Variants in SEPTIN9 observed in about 807,000 individuals in gnomAD.
SEPTIN9 encodes septin 9.
Under a neutral mutation model 56.6 loss-of-function variants are expected in SEPTIN9, and 13 were observed. The observed-to-expected ratio is 0.23, with a 90% CI of 0.15 to 0.37. SEPTIN9 has a LOEUF of 0.37. SEPTIN9 is among the 10% of genes least tolerant of loss of function. The pLI is 1.00. For missense variants in SEPTIN9, 650 were observed against 823.1 expected (o/e 0.79, Z 2.57); for synonymous variants, 332 against 334.1 (o/e 0.99, Z 0.07).
intron 4 of SEPTIN9, among the ~76,000 whole-genome samples, chr17:77,484,385 G>A (rs2039585903): frequency 6.6e-6 from 1 of 151,424 alleles, no homozygotes. Flanking sequence ...GGATGGTGGT[G>A]GTGGTGATGG....
chr17:77,383,586 C>T (rs556323801), intron 2 of SEPTIN9, among the ~76,000 whole-genome samples: 11 of 152,202 alleles, frequency 7.2e-5, no homozygotes, highest in Admixed American at 1.3e-4. Context: ...TGGGGTCTGA[C>T]GGGGGCTGCC....
intron 2 of SEPTIN9, among the ~76,000 whole-genome samples, chr17:77,343,832 T>C (rs897793600): frequency 2.6e-4 from 39 of 152,114 alleles, no homozygotes; most frequent in African/African-American, 9.2e-4. Flanking sequence ...AAGCACTGAG[T>C]GTTGTGAATG....
rs1272065533 is a variant in SEPTIN9, at chr17:77,317,183, A to G, written c.76+9986A>G. ...CGAGTGGCCACAAGCTGGCTGGGTCACAACAACGCCCAGCCATCCTCTCAC... is the reference window on the plus strand; with the variant it reads ...CGAGTGGCCACAAGCTGGCTGGGTCGCAACAACGCCCAGCCATCCTCTCAC... On this transcript the variant is annotated intron_variant, in intron 2 of 11. Coordinates refer to ENST00000427177, the MANE Select transcript of SEPTIN9 (RefSeq NM_001113491.2). This position sits in a 1 kb window ranked among gnomAD's most constrained non-coding sequence, Gnocchi z 4.2. Among the ~76,000 whole-genome samples, 1 of 152,198 alleles carries G rather than the reference A, an allele frequency of 6.6e-6. No homozygotes were observed. The highest frequency in any genetic ancestry group is 1.9e-4 in the East Asian group (1 of 5,202).
intron 1 of SEPTIN9, among the ~76,000 whole-genome samples, chr17:77,292,238 G>T (rs971899364): frequency 1.3e-5 from 2 of 152,154 alleles, no homozygotes; most frequent in Non-Finnish European, 2.9e-5. Context: ...CCTACCCTCT[G>T]CAGTCCCCGT....
intron 2 of SEPTIN9, among the ~76,000 whole-genome samples, chr17:77,333,172 G>A (rs1339246749): frequency 1.3e-5 from 2 of 152,140 alleles, no homozygotes; most frequent in Admixed American, 6.5e-5. Flanking sequence ...GCGTGTAGTG[G>A]TATCATCTCA....
Position 77,313,679 on chromosome 17 carries a change from A to G in SEPTIN9, c.76+6482A>G, listed in dbSNP as rs9893032. 0.4 allele frequency among the ~76,000 whole-genome samples: 61,495 copies of G among 151,910 alleles called. 13,819 individuals are homozygous for G. Among genetic ancestry groups the G allele is most frequent in the East Asian group, 0.53 (2,725 of 5,138 alleles). The stretch of plus-strand genomic sequence containing the variant: ...CTTCATTTTTAATTCAGGGAAGCAA[A>G]CTTCAGTGGTTGAGTCTGAGGATGA... On this transcript the variant is annotated intron_variant, in intron 2 of 11. Transcript: ENST00000427177. The surrounding 1 kb of genome is among the most constrained non-coding windows in gnomAD (Gnocchi z 4.5).
At chr17:77,338,898 T>C (rs777367245) in intron 2 of SEPTIN9, among the ~76,000 whole-genome samples, 13 of 152,234 alleles carry the variant, frequency 8.5e-5, no homozygotes, top group Non-Finnish European at 1.8e-4. Context: ...ATATTCTAAA[T>C]CTTTTGTTGT....
rs559131821 is a variant in SEPTIN9, at chr17:77,319,975, C to G, written c.76+12778C>G. 4.9e-6 allele frequency: 6 copies of G among 1,218,538 alleles called. No homozygotes were observed. The highest frequency in any genetic ancestry group is 1.5e-5 in the African/African-American group (1 of 65,268). The allele number at this position is 1,218,538 out of a possible 1,614,324, so 75.5% of individuals were successfully genotyped here. A position where few individuals can be genotyped will look rare whatever the true frequency, so the allele number is the denominator to read the frequency against. On this transcript the variant is annotated intron_variant, in intron 2 of 11. Transcript: ENST00000427177. The surrounding 1 kb of genome is among the most constrained non-coding windows in gnomAD (Gnocchi z 5.3). ...ACCGGGCGGCCGGGACTCTGGGACT[C>G]TCGCAGGCAGACCCGGTGGTCTGCC...
At position 77,389,288 on chromosome 17, in the gene SEPTIN9, A is replaced by C. The variant is rs1457567722; in HGVS notation, c.77-12771A>C. Among the ~76,000 whole-genome samples, 2 of 151,698 alleles carry C rather than the reference A, an allele frequency of 1.3e-5. No individual in the cohort carries two copies. Among genetic ancestry groups the C allele is most frequent in the African/African-American group, 4.9e-5 (2 of 41,236 alleles). On this transcript the variant is annotated intron_variant, in intron 2 of 11. Transcript: ENST00000427177. This position sits in a 1 kb window ranked among gnomAD's most constrained non-coding sequence, Gnocchi z 4.3. The stretch of plus-strand genomic sequence containing the variant: ...AGGAGGGGCACGCGGTAGGCTGAGG[A>C]GGTGGCTGGCGACCCTGTGGTGGGG...
intron 2 of SEPTIN9, among the ~76,000 whole-genome samples, chr17:77,365,384 T>G (rs527455691): frequency 6.6e-6 from 1 of 152,260 alleles, no homozygotes; most frequent in East Asian, 1.9e-4. Flanking sequence ...CCTTCCTGTC[T>G]TATTCTTTCC....
At position 77,313,427 on chromosome 17, in the gene SEPTIN9, A is replaced by G. The variant is rs370956150; in HGVS notation, c.76+6230A>G. ...ACCAGTAAACCCTGCAGCGGCCCCA[A>G]GGGCAGAGATAGCTGGATTGTATTT... is the stretch of plus-strand genomic sequence containing the variant. On this transcript the variant is annotated intron_variant, in intron 2 of 11. Coordinates refer to ENST00000427177, the MANE Select transcript of SEPTIN9 (RefSeq NM_001113491.2). This position sits in a 1 kb window ranked among gnomAD's most constrained non-coding sequence, Gnocchi z 4.5. 1.0e-3 allele frequency among the ~76,000 whole-genome samples: 158 copies of G among 152,384 alleles called. 4 individuals are homozygous for G. The South Asian group carries it at 0.023, about 23-fold the overall frequency.
intron 2 of SEPTIN9, among the ~76,000 whole-genome samples, chr17:77,387,196 T>C (rs549082015): frequency 6.6e-6 from 1 of 152,344 alleles, no homozygotes; most frequent in Admixed American, 6.5e-5. Context: ...GCTGATCCTT[T>C]GGGGCCTCTG....
chr17:77,451,316 C>A lies in SEPTIN9; in HGVS notation c.722-30828C>A. On this transcript the variant is annotated intron_variant, in intron 3 of 11. Coordinates refer to ENST00000427177, the MANE Select transcript of SEPTIN9 (RefSeq NM_001113491.2). The surrounding 1 kb of genome is among the most constrained non-coding windows in gnomAD (Gnocchi z 4.2). The stretch of plus-strand genomic sequence containing the variant: ...TCTCTGCCTGCCCCCTCCTCCTGCT[C>A]CCCTCGCCCTGCCCCCTTGGAGCAA... The A allele has an allele frequency of 1.0e-6, 1 of 971,496 alleles. No homozygotes were observed. Among genetic ancestry groups the A allele is most frequent in the Middle Eastern group, 5.2e-4 (1 of 1,932 alleles). The allele number at this position is 971,496 out of a possible 1,614,324, so 60.2% of individuals were successfully genotyped here.
At chr17:77,357,010 G>A (rs77393955) in intron 2 of SEPTIN9, among the ~76,000 whole-genome samples, 1,737 of 151,892 alleles carry the variant, frequency 0.011, 34 homozygotes, top group African/African-American at 0.04. Flanking sequence ...TCGGCCAGAC[G>A]TCCAGAAGCA....
chr17:77,383,763 T>A (rs2035232134), intron 2 of SEPTIN9, among the ~76,000 whole-genome samples: 2 of 152,148 alleles, frequency 1.3e-5, no homozygotes, highest in African/African-American at 2.4e-5. Flanking sequence ...AGGGTAGCCT[T>A]CCCAGGCCCA....
chr17:77,451,919 G>A lies in SEPTIN9; in HGVS notation c.722-30225G>A, dbSNP rs544891577. On this transcript the variant is annotated intron_variant, in intron 3 of 11. Transcript: ENST00000427177. This position sits in a 1 kb window ranked among gnomAD's most constrained non-coding sequence, Gnocchi z 4.2. Reference sequence around the variant, plus strand: ...CAGGAAGAAATTCGAATTGGCCACCGCTTTCTCTAAAATCACTCCGCTCAA... The same window carrying A: ...CAGGAAGAAATTCGAATTGGCCACCACTTTCTCTAAAATCACTCCGCTCAA... Among the ~76,000 whole-genome samples, 3 of 152,312 alleles carry A rather than the reference G, an allele frequency of 2.0e-5. No homozygotes were observed. Among genetic ancestry groups the A allele is most frequent in the African/African-American group, 4.8e-5 (2 of 41,570 alleles).
chr17:77,314,100 C>T (rs1245512668), intron 2 of SEPTIN9, among the ~76,000 whole-genome samples: 1 of 152,016 alleles, frequency 6.6e-6, no homozygotes, highest in Non-Finnish European at 1.5e-5. Context: ...ACCCGGGAAG[C>T]TGAGGCTGCA....
intron 2 of SEPTIN9, among the ~76,000 whole-genome samples, chr17:77,379,798 C>T (rs925413632): frequency 5.9e-5 from 9 of 152,144 alleles, no homozygotes; most frequent in African/African-American, 9.7e-5. Context: ...CCCCCTCCCC[C>T]GACTTTTTCT....
chr17:77,486,535 C>CGCGCGCGCGCGT (rs1343890844), intron 4 of SEPTIN9, among the ~76,000 whole-genome samples: 7 of 120,302 alleles, frequency 5.8e-5, no homozygotes, highest in African/African-American at 2.7e-4. Context: ...CGCACGCGCG[C>CGCGCGCGCGCGT]GCGTGTTATA....
Sources: allele counts gnomAD v4.1 joint callset (sites outside exome capture counted in the v4.1 genomes callset), GRCh38; gene constraint gnomAD v4.1.1; non-coding constraint Gnocchi (gnomAD v3.1); transcripts MANE v1.5; gene names NCBI Gene and HGNC (gene_info 2026-07-23, HGNC 2026-07-21).